ATIC: variants seen among roughly 807,000 people sequenced by gnomAD.
ATIC encodes 5-aminoimidazole-4-carboxamide ribonucleotide formyltransferase/IMP cyclohydrolase, also known as bifunctional purine biosynthesis protein ATIC.
In ATIC, 64 loss-of-function variants were observed where a neutral mutation model predicts 72.5. The observed-to-expected ratio is 0.88, with a 90% CI of 0.72 to 1.09. The LOEUF (loss-of-function observed/expected upper bound fraction) is 1.09. ATIC is among the 50% of genes least tolerant of loss of function. ATIC has a pLI of 0.00. For missense variants in ATIC, 787 were observed against 732.4 expected (o/e 1.07, Z -0.86); for synonymous variants, 281 against 267.1 (o/e 1.05, Z -0.51).
At chr2:215,320,065 C>T (rs1052478234) in intron 4 of ATIC, among the ~76,000 whole-genome samples, 3 of 152,058 alleles carry the variant, frequency 2.0e-5, no homozygotes, top group East Asian at 3.9e-4. Flanking sequence ...CTCAGAAATC[C>T]GAAATGCTTC....
intron 15 of ATIC, 34 bp from the exon 16 acceptor site, chr2:215,349,502 A>G (rs1477298041): frequency 5.0e-6 from 8 of 1,613,908 alleles, no homozygotes; most frequent in Non-Finnish European, 6.8e-6. Context: ...TTTTACATAA[A>G]ATCGCGTTTT....
chr2:215,331,604 G>A (rs578139695), intron 7 of ATIC, among the ~76,000 whole-genome samples: 262 of 152,102 alleles, frequency 1.7e-3, no homozygotes, highest in African/African-American at 5.8e-3. Context: ...GGCTGATCTC[G>A]AACTCCTGAC....
chr2:215,344,822 C>T lies in ATIC; in HGVS notation c.1271C>T (p.Ala424Val), dbSNP rs771004872. ...CGAGACCTCATCGTAGCCACCATTG[C>T]TGTCAAGTACACTCAGTCTAACTCT... is the stretch of plus-strand genomic sequence containing the variant. ...ALRDLIVATI[A>V]VKYTQSNSVC... Residue 424 changes from alanine to valine, a missense_variant, in exon 13 of 16, where the codon GCT becomes GTT. Physicochemically the swap from Ala to Val is moderately conservative, Grantham distance 64 (BLOSUM62 0). Transcript: ENST00000236959. The T allele has an allele frequency of 2.7e-5, 44 of 1,613,912 alleles. No homozygotes were observed. The highest frequency in any genetic ancestry group is 3.6e-5 in the Non-Finnish European group (42 of 1,180,028).
intron 10 of ATIC, among the ~76,000 whole-genome samples, chr2:215,335,255 C>A (rs2052942148): frequency 1.3e-5 from 2 of 151,924 alleles, no homozygotes; most frequent in East Asian, 3.9e-4. Context: ...ATTTTAAATT[C>A]TTTGTTGTCT....
the ATIC span, chr2:215,360,334 G>A: frequency 6.6e-6 from 1 of 152,172 alleles, no homozygotes; most frequent in Admixed American, 6.5e-5. Context: ...GTTTAGCTGG[G>A]AGTTTATCAA....
chr2:215,354,494 C>G (rs191858394), downstream of ATIC, among the ~76,000 whole-genome samples: 2 of 152,228 alleles, frequency 1.3e-5, no homozygotes, highest in African/African-American at 4.8e-5. Context: ...TGTTTTTTAT[C>G]CAAATGTTAG....
At chr2:215,348,690 C>T (rs996885500) in intron 14 of ATIC, 20 of 421,562 alleles carry the variant, frequency 4.7e-5, no homozygotes, top group Admixed American at 8.4e-5. Context: ...TGGCCGGGCG[C>T]GGTGGCTCAT....
the ATIC span, chr2:215,367,975 T>A: frequency 4.3e-6 from 7 of 1,614,086 alleles, no homozygotes; most frequent in Admixed American, 1.7e-5. Context: ...AATGGGAAAC[T>A]GTGTAGGGGT....
intron 7 of ATIC, among the ~76,000 whole-genome samples, chr2:215,327,497 G>C (rs973463695): frequency 3.9e-5 from 6 of 152,188 alleles, no homozygotes; most frequent in Non-Finnish European, 5.9e-5. Flanking sequence ...ACGATAAAGA[G>C]GTTTCTTGGA....
downstream of ATIC, among the ~76,000 whole-genome samples, chr2:215,353,995 T>C (rs185455086): frequency 9.9e-4 from 150 of 152,272 alleles, 1 homozygote; most frequent in African/African-American, 3.5e-3. Context: ...ATTTAAAATC[T>C]GATGTCAATC....
chr2:215,312,255 G>T (rs190514165), intron 1 of ATIC, 94 bp downstream of exon 1: 1 of 1,457,178 alleles, frequency 6.9e-7, no homozygotes, highest in Admixed American at 2.6e-5. Flanking sequence ...GGCACTGCAG[G>T]GGCGGCGCTG....
At chr2:215,322,404 A>G (rs998190507) in intron 4 of ATIC, among the ~76,000 whole-genome samples, 2 of 144,394 alleles carry the variant, frequency 1.4e-5, no homozygotes, top group South Asian at 2.2e-4. Context: ...ATCTCGGCTC[A>G]CTGCAACCTT....
Position 215,349,593 on chromosome 2 carries a change from G to A in ATIC, c.1717G>A (p.Glu573Lys), listed in dbSNP as rs1352398637. The A allele has an allele frequency of 1.9e-6, 3 of 1,614,164 alleles. No individual in the cohort carries two copies. The highest frequency in any genetic ancestry group is 2.2e-5 in the East Asian group (1 of 44,884). ...TTCTGCTGCTGACAAAGTTGTGATT[G>A]AGGCCTGCGACGAACTGGGAATCAT... ...SGSAADKVVIEACDELGIILA... is the reference protein window; with the variant it reads ...SGSAADKVVIKACDELGIILA... Residue 573 changes from glutamate (E) to lysine (K), a missense_variant, in exon 16 of 16, where the codon GAG becomes AAG. Physicochemically the swap from Glu to Lys is moderately conservative, Grantham distance 56 (BLOSUM62 1). Coordinates refer to ENST00000236959, the MANE Select transcript of ATIC (RefSeq NM_004044.7).
At chr2:215,361,502 T>C in the ATIC span, 1 of 1,276,928 alleles carries the variant, frequency 7.8e-7, no homozygotes, top group Non-Finnish European at 1.1e-6. Context: ...CACTCCAGTT[T>C]AGATGGATCT....
chr2:215,355,792 A>G, the ATIC span, among the ~76,000 whole-genome samples: 2 of 152,208 alleles, frequency 1.3e-5, no homozygotes, highest in Admixed American at 1.3e-4. Context: ...AGGCCCCCAC[A>G]TTCCTGTGCT....
At chr2:215,328,313 A>G (rs1379303861) in intron 7 of ATIC, among the ~76,000 whole-genome samples, 1 of 152,148 alleles carries the variant, frequency 6.6e-6, no homozygotes, top group African/African-American at 2.4e-5. Context: ...TCTTTTAAAA[A>G]TGGAAATCGG....
chr2:215,339,858 G>C (rs1045532421), intron 12 of ATIC, among the ~76,000 whole-genome samples: 1 of 151,954 alleles, frequency 6.6e-6, no homozygotes, highest in Non-Finnish European at 1.5e-5. Context: ...GGATGGTCTC[G>C]ATCTCCTAAC....
At chr2:215,354,695 A>G (rs1488734104), downstream of ATIC, among the ~76,000 whole-genome samples, 1 of 149,378 alleles carries the variant, frequency 6.7e-6, no homozygotes, top group Non-Finnish European at 1.5e-5. Context: ...TTTCCCTTCA[A>G]ATATTTCTGG....
At chr2:215,336,219 A>T (rs1290061476) in intron 11 of ATIC, 95 bp downstream of exon 11, 3 of 951,198 alleles carry the variant, frequency 3.2e-6, no homozygotes, top group Non-Finnish European at 5.1e-6. Flanking sequence ...ATACCCTTCT[A>T]GTTTATCCTT....
Sources: allele counts gnomAD v4.1 joint callset (sites outside exome capture counted in the v4.1 genomes callset), GRCh38; gene constraint gnomAD v4.1.1; transcripts MANE v1.5; gene names NCBI Gene and HGNC (gene_info 2026-07-23, HGNC 2026-07-21).